Variants in GRIA1 observed in about 807,000 individuals in gnomAD.
GRIA1 encodes glutamate ionotropic receptor AMPA type subunit 1.
Under a neutral mutation model 99.2 loss-of-function variants are expected in GRIA1, and 31 were observed. The observed-to-expected ratio is 0.31, with a 90% CI of 0.23 to 0.42. The LOEUF (loss-of-function observed/expected upper bound fraction) is 0.42. Ranked by LOEUF, GRIA1 falls within the 10% of genes least tolerant of loss-of-function variation. GRIA1 has a pLI of 1.00. For missense variants in GRIA1, 782 were observed against 1,157.5 expected (o/e 0.68, Z 4.71); for synonymous variants, 438 against 432.4 (o/e 1.01, Z -0.16).
At chr5:153,741,648 G>C (rs1761796365) in intron 11 of GRIA1, among the ~76,000 whole-genome samples, 1 of 152,180 alleles carries the variant, frequency 6.6e-6, no homozygotes. Flanking sequence ...AAATAAGCCA[G>C]TCACAGAAGG....
chr5:153,605,056 G>A (rs1278353030), intron 2 of GRIA1, among the ~76,000 whole-genome samples: 1 of 152,010 alleles, frequency 6.6e-6, no homozygotes, highest in Non-Finnish European at 1.5e-5. Flanking sequence ...GCCTGGTGGT[G>A]CACACCTGTA....
intron 2 of GRIA1, among the ~76,000 whole-genome samples, chr5:153,556,655 G>A (rs368665719): frequency 9.9e-5 from 15 of 152,200 alleles, no homozygotes; most frequent in African/African-American, 3.6e-4. Context: ...AAATAAGCAG[G>A]TGTGTTCTAG....
chr5:153,710,235 A>AG (rs917988615), intron 11 of GRIA1, among the ~76,000 whole-genome samples: 3 of 151,558 alleles, frequency 2.0e-5, no homozygotes, highest in African/African-American at 7.3e-5. Context: ...CAAAAAAAAA[A>AG]AAACAACTTT....
intron 2 of GRIA1, among the ~76,000 whole-genome samples, chr5:153,607,069 A>ATAT (rs1581317931): frequency 2.3e-5 from 3 of 130,278 alleles, no homozygotes; most frequent in Non-Finnish European, 3.5e-5. Flanking sequence ...ATATATATAT[A>ATAT]ATCACAGTTT....
intron 2 of GRIA1, among the ~76,000 whole-genome samples, chr5:153,540,398 C>A (rs1467316578): frequency 6.6e-6 from 1 of 152,174 alleles, no homozygotes; most frequent in East Asian, 1.9e-4. Context: ...ACATGTGTGT[C>A]TTTTTCAAAC....
chr5:153,703,107 A>G (rs1758649061), intron 10 of GRIA1, among the ~76,000 whole-genome samples: 1 of 152,180 alleles, frequency 6.6e-6, no homozygotes, highest in African/African-American at 2.4e-5. Flanking sequence ...AAGCTAAAAT[A>G]CTACTGCTTT....
intron 2 of GRIA1, among the ~76,000 whole-genome samples, chr5:153,593,229 T>C (rs1192144106): frequency 6.6e-6 from 1 of 152,178 alleles, no homozygotes; most frequent in Non-Finnish European, 1.5e-5. Flanking sequence ...ATCACGCCAC[T>C]GCCCTCCCAC....
At chr5:153,550,795 C>T (rs1054934925) in intron 2 of GRIA1, among the ~76,000 whole-genome samples, 28 of 152,216 alleles carry the variant, frequency 1.8e-4, no homozygotes, top group African/African-American at 5.1e-4. Flanking sequence ...ATCATCTGGA[C>T]GGCTTGAGAA....
chr5:153,704,952 A>T lies in GRIA1; in HGVS notation c.1453-745A>T, dbSNP rs1021479770. The stretch of plus-strand genomic sequence containing the variant: ...ACAACTTTCAGCCTGCAGATTGCAC[A>T]TAGTAAGTGTTCAATAAATATCTAT... On this transcript the variant is annotated intron_variant, in intron 10 of 15. Transcript: ENST00000285900. 2.6e-5 allele frequency among the ~76,000 whole-genome samples: 4 copies of T among 152,248 alleles called. No homozygotes were observed. The East Asian group carries it at 5.8e-4, about 22-fold the overall frequency.
At chr5:153,650,584 C>T (rs1754491192) in intron 4 of GRIA1, 70 bp downstream of exon 4, 1 of 1,472,550 alleles carries the variant, frequency 6.8e-7, no homozygotes, top group African/African-American at 1.4e-5. Context: ...ACACTTTTGC[C>T]TTGGGTGTTA....
At chr5:153,704,451 A>C (rs1413071181) in intron 10 of GRIA1, among the ~76,000 whole-genome samples, 1 of 152,192 alleles carries the variant, frequency 6.6e-6, no homozygotes, top group African/African-American at 2.4e-5. Context: ...CATTGGAGAG[A>C]GGTAGGAAAG....
chr5:153,542,819 C>A (rs1355913415), intron 2 of GRIA1, among the ~76,000 whole-genome samples: 2 of 152,158 alleles, frequency 1.3e-5, no homozygotes, highest in Non-Finnish European at 2.9e-5. Context: ...TTCCATAGTG[C>A]CTTTTTTTTT....
intron 2 of GRIA1, among the ~76,000 whole-genome samples, chr5:153,531,891 C>T (rs1758127091): frequency 6.6e-6 from 1 of 152,162 alleles, no homozygotes; most frequent in Admixed American, 6.5e-5. Context: ...ACTGAAACCT[C>T]TCACATTTAA....
intron 13 of GRIA1, among the ~76,000 whole-genome samples, chr5:153,771,392 T>G: frequency 6.6e-6 from 1 of 152,302 alleles, no homozygotes; most frequent in East Asian, 1.9e-4. Context: ...GGATATGACA[T>G]CTGGGTCTAC....
intron 13 of GRIA1, 60 bp from the exon 14 acceptor site, chr5:153,794,561 G>C: frequency 8.6e-7 from 1 of 1,160,894 alleles, no homozygotes; most frequent in East Asian, 2.4e-5. Context: ...CTTGGGTCAC[G>C]TGACTTGCTG....
chr5:153,735,173 C>T (rs1173176092), intron 11 of GRIA1, among the ~76,000 whole-genome samples: 1 of 152,154 alleles, frequency 6.6e-6, no homozygotes, highest in African/African-American at 2.4e-5. Flanking sequence ...TAGACCATTA[C>T]AGATTTAAAG....
chr5:153,650,909 A>AAAAAAAAAAAC (rs1754524170), intron 4 of GRIA1, among the ~76,000 whole-genome samples: 1 of 149,766 alleles, frequency 6.7e-6, no homozygotes, highest in South Asian at 2.1e-4. Context: ...AAAAAAAAAA[A>AAAAAAAAAAAC]AAAAAAAAAA....
chr5:153,616,077 A>T (rs1456431835), intron 2 of GRIA1, among the ~76,000 whole-genome samples: 1 of 152,162 alleles, frequency 6.6e-6, no homozygotes, highest in Non-Finnish European at 1.5e-5. Context: ...TTACCTGGGT[A>T]TGAAACACTC....
intron 13 of GRIA1, among the ~76,000 whole-genome samples, chr5:153,770,767 C>G (rs1763831198): frequency 6.6e-6 from 1 of 152,212 alleles, no homozygotes; most frequent in Non-Finnish European, 1.5e-5. Context: ...ACGCTATGAA[C>G]AGAGTTCTCC....
Sources: gnomAD v4.1 joint callset for allele counts (sites outside exome capture counted in the v4.1 genomes callset) on GRCh38, gnomAD v4.1.1 for gene constraint, MANE v1.5 for transcripts, NCBI Gene and HGNC (gene_info 2026-07-23, HGNC 2026-07-21) for gene names.